Variants in MPHOSPH9 observed in about 807,000 individuals in gnomAD.
MPHOSPH9 encodes the protein M-phase phosphoprotein 9.
MPHOSPH9 carries 88 observed loss-of-function variants against 145.5 expected under a neutral mutation model. The observed-to-expected ratio is 0.60, with a 90% CI of 0.51 to 0.72. The LOEUF is 0.72. MPHOSPH9 is among the 30% of genes least tolerant of loss of function. The pLI is 0.00. For synonymous variants in MPHOSPH9, 435 were observed against 486.2 expected, an observed-to-expected ratio of 0.89 and a Z score of 1.39; for missense variants, 1,238 against 1,386.6, an observed-to-expected ratio of 0.89 and a Z score of 1.70.
At chr12:123,210,229 A>G in intron 7 of MPHOSPH9, 67 bp from the exon 8 acceptor site, 2 of 844,692 alleles carry the variant, frequency 2.4e-6, no homozygotes, top group Non-Finnish European at 3.6e-6. Context: ...CTAGAATAAC[A>G]TTTCTACCTA....
In MPHOSPH9 at chr12:123,193,108, T is replaced by TACACAC. The variant is rs4044136; in HGVS notation, c.2241+1272_2241+1277dup. 7.5e-3 allele frequency among the ~76,000 whole-genome samples: 707 copies of TACACAC among 94,896 alleles called. 14 individuals carry two copies. The highest frequency in any genetic ancestry group is 0.027 in the African/African-American group (645 of 23,830). The allele number at this position is 94,896 out of a possible 152,430, so 62.3% of individuals were successfully genotyped here. On this transcript the variant is annotated intron_variant, in intron 13 of 23. Coordinates refer to ENST00000606320, the MANE Select transcript of MPHOSPH9 (RefSeq NM_022782.4). The stretch of plus-strand genomic sequence containing the variant: ...AAAAAAAAAAAAAAATATATATATA[T>TACACAC]ACACACACACACACACACACACACA...
At chr12:123,188,730 C>T (rs1029604228) in intron 13 of MPHOSPH9, among the ~76,000 whole-genome samples, 1 of 152,150 alleles carries the variant, frequency 6.6e-6, no homozygotes, top group African/African-American at 2.4e-5. Context: ...CACCTGTACT[C>T]CCAGCTACAT....
intron 23 of MPHOSPH9, chr12:123,160,431 T>C (rs1279312398): frequency 4.7e-6 from 1 of 213,610 alleles, no homozygotes; most frequent in Non-Finnish European, 9.3e-6. Flanking sequence ...ATTACAGATT[T>C]GAGGAGGGAG....
chr12:123,229,567 G>A (rs915942810), intron 2 of MPHOSPH9, among the ~76,000 whole-genome samples: 2 of 152,008 alleles, frequency 1.3e-5, no homozygotes, highest in African/African-American at 2.4e-5. Context: ...TTCCCACATT[G>A]GTGAAGTATT....
chr12:123,202,383 G>C, intron 10 of MPHOSPH9, 64 bp from the exon 11 acceptor site: 1 of 1,473,074 alleles, frequency 6.8e-7, no homozygotes, highest in Non-Finnish European at 9.1e-7. Flanking sequence ...TCCCACAAGA[G>C]AAACCAAGAA....
At chr12:123,221,318 A>G (rs1024379135) in intron 5 of MPHOSPH9, 54 bp downstream of exon 5, 2 of 1,352,846 alleles carry the variant, frequency 1.5e-6, no homozygotes, top group Admixed American at 2.3e-5. Context: ...ATTAAAAGGA[A>G]CACTAGATTC....
chr12:123,173,533 C>A (rs2044684698), intron 16 of MPHOSPH9, among the ~76,000 whole-genome samples: 1 of 152,194 alleles, frequency 6.6e-6, no homozygotes, highest in African/African-American at 2.4e-5. Flanking sequence ...CAAGAAGGAT[C>A]TGAACAGAAA....
intron 13 of MPHOSPH9, among the ~76,000 whole-genome samples, chr12:123,186,733 A>C (rs2045460200): frequency 6.6e-6 from 1 of 152,048 alleles, no homozygotes; most frequent in African/African-American, 2.4e-5. Context: ...GGCTGAGGCA[A>C]GTGGATCACT....
intron 1 of MPHOSPH9, among the ~76,000 whole-genome samples, chr12:123,241,146 T>G (rs551154025): frequency 1.1e-4 from 16 of 149,638 alleles, no homozygotes; most frequent in African/African-American, 3.2e-4. Flanking sequence ...GGGTTGTTTT[T>G]TTTTTGTTTT....
intron 3 of MPHOSPH9, among the ~76,000 whole-genome samples, chr12:123,227,221 T>A (rs1319738379): frequency 2.0e-5 from 3 of 152,226 alleles, no homozygotes; most frequent in African/African-American, 2.4e-5. Flanking sequence ...GACAATGTTT[T>A]AGTTCATATT....
chr12:123,237,061 G>A (rs182029064), upstream of MPHOSPH9, among the ~76,000 whole-genome samples: 1 of 152,044 alleles, frequency 6.6e-6, no homozygotes, highest in African/African-American at 2.4e-5. Flanking sequence ...GTCCAGGCTG[G>A]GTGACAGAGT....
chr12:123,212,687 G>A (rs1464219649), intron 7 of MPHOSPH9, among the ~76,000 whole-genome samples: 4 of 139,790 alleles, frequency 2.9e-5, no homozygotes, highest in Non-Finnish European at 6.2e-5. Context: ...CTCCAGCCTG[G>A]GCAACAAGAG....
chr12:123,214,894 C>A lies in MPHOSPH9; in HGVS notation c.997-60G>T. 1.4e-6 allele frequency: 2 copies of A among 1,385,908 alleles called. 1 individual carries two copies. Among genetic ancestry groups the A allele is most frequent in the Non-Finnish European group, 2.0e-6 (2 of 978,478 alleles). 85.9% of individuals were successfully genotyped at this position (1,385,908 alleles called of 1,614,324 possible). On this transcript the variant is annotated intron_variant, in intron 6 of 23. Transcript: ENST00000606320. ...AGTCATTAGGCACAATCTGCTGACCCAAGAAATGAGAGCCAGGCCTCAAAC... is the reference window on the plus strand; with the variant it reads ...AGTCATTAGGCACAATCTGCTGACCAAAGAAATGAGAGCCAGGCCTCAAAC...
Position 123,221,797 on chromosome 12 carries a change from C to G in MPHOSPH9, c.447G>C (p.Ser149=). ...GAGAAAAAAAACCCATTTGACTTTC[C>G]GAAGATACTTGTTTGTTTGAAGAAT... ...EGNSSNKQVS[S]ESQMGFFSLS... is the part of the protein sequence containing the mutation. The change falls in exon 5 of 24, where the codon TCG becomes TCC. Residue 149 remains serine, a synonymous_variant. Coordinates refer to ENST00000606320, the MANE Select transcript of MPHOSPH9 (RefSeq NM_022782.4). 6.2e-6 allele frequency: 10 copies of G among 1,613,978 alleles called. No homozygotes were observed. Among genetic ancestry groups the G allele is most frequent in the Non-Finnish European group, 7.6e-6 (9 of 1,179,982 alleles).
At position 123,221,298 on chromosome 12, in the gene MPHOSPH9, A is replaced by G; in HGVS notation, c.872+74T>C. 2.6e-6 allele frequency: 3 copies of G among 1,165,478 alleles called. No individual in the cohort carries two copies. In the South Asian group the frequency reaches 4.7e-5, roughly 18 times the overall value. The allele number at this position is 1,165,478 out of a possible 1,614,324, so 72.2% of individuals were successfully genotyped here. A position where few individuals can be genotyped will look rare whatever the true frequency, so the allele number is the denominator to read the frequency against. On this transcript the variant is annotated intron_variant, in intron 5 of 23. Transcript: ENST00000606320. ...TAAATGTTCAAATACATCTCATTCT[A>G]TTATAGTGCATTAAAAGGAACACTA...
At chr12:123,239,595 G>C (rs2047899249) in intron 1 of MPHOSPH9, among the ~76,000 whole-genome samples, 1 of 151,952 alleles carries the variant, frequency 6.6e-6, no homozygotes, top group East Asian at 1.9e-4. Flanking sequence ...GTAGAGACGG[G>C]GTTTCACCGT....
intron 5 of MPHOSPH9, among the ~76,000 whole-genome samples, chr12:123,221,141 T>C (rs1308064456): frequency 6.6e-6 from 1 of 152,230 alleles, no homozygotes; most frequent in Non-Finnish European, 1.5e-5. Flanking sequence ...AAAAATATCT[T>C]TTCTATTTTC....
chr12:123,176,359 C>T (rs1363534569), intron 16 of MPHOSPH9, among the ~76,000 whole-genome samples: 2 of 152,076 alleles, frequency 1.3e-5, no homozygotes, highest in African/African-American at 2.4e-5. Context: ...GGCTAAAAGA[C>T]CTTTTGAGAT....
chr12:123,208,862 G>C (rs185189509), intron 8 of MPHOSPH9, among the ~76,000 whole-genome samples: 1 of 152,086 alleles, frequency 6.6e-6, no homozygotes, highest in Admixed American at 6.6e-5. Flanking sequence ...AAGGATTACA[G>C]GTGTAAACTA....
Sources: allele counts gnomAD v4.1 joint callset (sites outside exome capture counted in the v4.1 genomes callset), GRCh38; gene constraint gnomAD v4.1.1; transcripts MANE v1.5; gene names NCBI Gene and HGNC (gene_info 2026-07-23, HGNC 2026-07-21).